Variants in CDH12 observed in about 807,000 individuals in gnomAD.
The protein encoded by CDH12 is cadherin 12.
In CDH12, 41 loss-of-function variants were observed where a neutral mutation model predicts 74.1. The ratio of observed to expected loss-of-function variants is 0.55; its 90% CI spans 0.43 to 0.72. CDH12 has a LOEUF of 0.72. Among genes scored for constraint, CDH12 ranks in the 30% least tolerant of loss-of-function variants. The pLI, the probability that CDH12 is intolerant of heterozygous loss-of-function variation, is 0.00. For synonymous variants in CDH12, 399 were observed against 355.0 expected (o/e 1.12, Z -1.39); for missense variants, 945 against 977.2 (o/e 0.97, Z 0.44).
chr5:22,234,978 T>C (rs760399457), intron 3 of CDH12, among the ~76,000 whole-genome samples: 1 of 152,172 alleles, frequency 6.6e-6, no homozygotes, highest in Non-Finnish European at 1.5e-5. Context: ...ACAAGAATTA[T>C]ACAGTTAGTT....
intron 4 of CDH12, among the ~76,000 whole-genome samples, chr5:22,115,822 G>T (rs1745060603): frequency 1.3e-5 from 2 of 150,898 alleles, no homozygotes; most frequent in Non-Finnish European, 2.9e-5. Flanking sequence ...CTCCCAAGCA[G>T]CTGGGACTAC....
At chr5:22,541,514 G>T (rs541472476) in intron 1 of CDH12, among the ~76,000 whole-genome samples, 4 of 152,256 alleles carry the variant, frequency 2.6e-5, no homozygotes, top group African/African-American at 9.6e-5. Context: ...CTCACTTAGG[G>T]ACAAAACCTG....
At chr5:22,164,544 G>A (rs1387981574) in intron 4 of CDH12, among the ~76,000 whole-genome samples, 2 of 152,170 alleles carry the variant, frequency 1.3e-5, no homozygotes, top group East Asian at 1.9e-4. Flanking sequence ...TAATAAACAC[G>A]GACCAGAAGA....
intron 9 of CDH12, among the ~76,000 whole-genome samples, chr5:21,810,104 T>C (rs1747666503): frequency 6.6e-6 from 1 of 152,116 alleles, no homozygotes; most frequent in South Asian, 2.1e-4. Context: ...CTTGTGCATA[T>C]GAACATGCCT....
At chr5:22,367,918 A>AT (rs981456457) in intron 3 of CDH12, among the ~76,000 whole-genome samples, 6 of 152,222 alleles carry the variant, frequency 3.9e-5, no homozygotes, top group South Asian at 4.2e-4. Flanking sequence ...AAATTAACAC[A>AT]TTTTTTTCCT....
Position 21,982,978 on chromosome 5 carries a change from A to C in CDH12, c.232-7593T>G, listed in dbSNP as rs558327276. ...GTCTGACATCAAATCTTTTCACTAC[A>C]TGCCTCTCTTTGGGAGGCTTCTTTC... On this transcript the variant is annotated intron_variant, in intron 5 of 14. Coordinates refer to ENST00000382254, the MANE Select transcript of CDH12 (RefSeq NM_004061.5). Among the ~76,000 whole-genome samples, 4 of 152,178 alleles carry C rather than the reference A, an allele frequency of 2.6e-5. No homozygotes were observed. The East Asian group carries it at 7.7e-4, about 29-fold the overall frequency.
intron 3 of CDH12, among the ~76,000 whole-genome samples, chr5:22,311,722 A>AAT (rs1377279216): frequency 4.0e-5 from 6 of 151,350 alleles, no homozygotes; most frequent in Non-Finnish European, 8.8e-5. Context: ...AAAAAAAAAA[A>AAT]AATTGCCTCT....
intron 10 of CDH12, among the ~76,000 whole-genome samples, chr5:21,785,762 CT>C (rs1478093555): frequency 6.6e-6 from 1 of 152,154 alleles, no homozygotes; most frequent in Non-Finnish European, 1.5e-5. Context: ...AAGAAGTCAT[CT>C]CCATAACATT....
intron 4 of CDH12, among the ~76,000 whole-genome samples, chr5:22,099,966 T>C (rs944320378): frequency 6.6e-6 from 1 of 152,100 alleles, no homozygotes; most frequent in African/African-American, 2.4e-5. Flanking sequence ...CACAAAATCT[T>C]CCTTCAGTTT....
At chr5:22,822,853 T>C (rs1749780969) in intron 1 of CDH12, among the ~76,000 whole-genome samples, 1 of 152,114 alleles carries the variant, frequency 6.6e-6, no homozygotes, top group Non-Finnish European at 1.5e-5. Context: ...GAACTGGAAA[T>C]ACCATTTGAC....
At chr5:22,405,375 C>T (rs1326690204) in intron 2 of CDH12, 24 bp from the exon 3 acceptor site, 3 of 710,620 alleles carry the variant, frequency 4.2e-6, no homozygotes, top group African/African-American at 1.9e-5. Context: ...AAAGAAAATG[C>T]TTTAAGAATA....
chr5:22,072,428 C>T (rs1259211616), intron 5 of CDH12, among the ~76,000 whole-genome samples: 1 of 151,982 alleles, frequency 6.6e-6, no homozygotes, highest in African/African-American at 2.4e-5. Flanking sequence ...TCCTTCAAGA[C>T]TCATCTCAGG....
chr5:21,968,361 G>A (rs966427899), intron 6 of CDH12, among the ~76,000 whole-genome samples: 8 of 152,134 alleles, frequency 5.3e-5, no homozygotes, highest in African/African-American at 1.9e-4. Flanking sequence ...TAAAAGAGGA[G>A]AAATAACCCA....
chr5:22,686,463 A>G (rs1415070966), intron 1 of CDH12, among the ~76,000 whole-genome samples: 1 of 152,206 alleles, frequency 6.6e-6, no homozygotes, highest in Admixed American at 6.5e-5. Context: ...ACTAAAGGTC[A>G]TGAAGATTTA....
At chr5:22,685,876 T>G (rs1330534107) in intron 1 of CDH12, among the ~76,000 whole-genome samples, 1 of 152,190 alleles carries the variant, frequency 6.6e-6, no homozygotes, top group Non-Finnish European at 1.5e-5. Context: ...CAAGTTCGTA[T>G]GGACATATGT....
intron 5 of CDH12, among the ~76,000 whole-genome samples, chr5:22,058,641 A>G (rs1486944122): frequency 0.03 from 4,520 of 150,990 alleles, 155 homozygotes; most frequent in African/African-American, 0.082. Context: ...CACCTTTTTA[A>G]TGTACAAAGA....
chr5:21,931,450 T>A (rs966661138), intron 6 of CDH12, among the ~76,000 whole-genome samples: 6 of 152,120 alleles, frequency 3.9e-5, no homozygotes, highest in Non-Finnish European at 8.8e-5. Flanking sequence ...GGAGTTAAGG[T>A]AGCATGAACT....
At chr5:22,219,279 G>T (rs183295255) in intron 3 of CDH12, among the ~76,000 whole-genome samples, 25 of 151,786 alleles carry the variant, frequency 1.6e-4, no homozygotes, top group African/African-American at 6.0e-4. Flanking sequence ...ACATCATAAA[G>T]ATCATATTGT....
rs186257191 is a variant in CDH12, at chr5:22,166,046, A to G, written c.-187+46452T>C. On this transcript the variant is annotated intron_variant, in intron 4 of 14. Transcript: ENST00000382254. ...TTTTATTCCTTTACTTTCTTAGTAA[A>G]CTTGCTTTCACTTTACTCTGTGGAC... 9.5e-3 allele frequency among the ~76,000 whole-genome samples: 1,445 copies of G among 152,236 alleles called. 19 individuals are homozygous for G. The highest frequency in any genetic ancestry group is 0.02 in the South Asian group (95 of 4,814).
Sources: gnomAD v4.1 joint callset for allele counts (sites outside exome capture counted in the v4.1 genomes callset) on GRCh38, gnomAD v4.1.1 for gene constraint, MANE v1.5 for transcripts, NCBI Gene and HGNC (gene_info 2026-07-23, HGNC 2026-07-21) for gene names.